ERN1: variants seen among roughly 807,000 people sequenced by gnomAD.
The protein encoded by ERN1 is serine/threonine-protein kinase/endoribonuclease IRE1.
Under a neutral mutation model 113.1 loss-of-function variants are expected in ERN1, and 39 were observed. The ratio of observed to expected loss-of-function variants is 0.34; its 90% CI spans 0.27 to 0.45. The LOEUF (loss-of-function observed/expected upper bound fraction) is 0.45. ERN1 is among the 20% of genes least tolerant of loss of function. The probability of loss-of-function intolerance (pLI) is 1.00; values close to 1 mark genes in which losing one functional copy is unlikely to be tolerated. For synonymous variants in ERN1, 507 were observed against 515.9 expected, an observed-to-expected ratio of 0.98 and a Z score of 0.23; for missense variants, 976 against 1,274.8, an observed-to-expected ratio of 0.77 and a Z score of 3.57.
intron 1 of ERN1, among the ~76,000 whole-genome samples, chr17:64,119,376 G>GTTTTTTTTTTTTTTTT (rs3044073): frequency 6.4e-5 from 5 of 77,910 alleles, no homozygotes; most frequent in Admixed American, 1.3e-4. Flanking sequence ...TTTTTTCTAG[G>GTTTTTTTTTTTTTTTT]TTTTTTTTTT....
At chr17:64,080,505 C>T (rs1488337442) in intron 3 of ERN1, 2 of 412,656 alleles carry the variant, frequency 4.8e-6, no homozygotes, top group Non-Finnish European at 8.9e-6. Context: ...GTCCAGTCCC[C>T]CTGAGGACTT....
At chr17:64,053,067 A>AAT in intron 16 of ERN1, 88 bp from the exon 17 acceptor site, 1 of 1,133,282 alleles carries the variant, frequency 8.8e-7, no homozygotes, top group East Asian at 2.6e-5. Context: ...TCAGACTCCC[A>AAT]ATATGCCTGC....
chr17:64,080,629 C>T, intron 3 of ERN1, 146 bp downstream of exon 3: 1 of 684,206 alleles, frequency 1.5e-6, no homozygotes, highest in South Asian at 2.0e-5. Flanking sequence ...AAGCTTTCAT[C>T]ATAGCACCTG....
intron 6 of ERN1, among the ~76,000 whole-genome samples, chr17:64,069,377 A>G (rs1053563725): frequency 6.6e-6 from 1 of 151,992 alleles, no homozygotes; most frequent in African/African-American, 2.4e-5. Context: ...AGTCAAATTG[A>G]AAAAAAAGGG....
At chr17:64,077,515 G>A (rs1913629742) in intron 4 of ERN1, among the ~76,000 whole-genome samples, 1 of 152,050 alleles carries the variant, frequency 6.6e-6, no homozygotes. Flanking sequence ...CTTTACATAA[G>A]TGAATGGCAG....
chr17:64,101,277 T>C (rs1914377768), intron 1 of ERN1, among the ~76,000 whole-genome samples: 1 of 151,882 alleles, frequency 6.6e-6, no homozygotes, highest in Non-Finnish European at 1.5e-5. Context: ...GGCGTGGTGG[T>C]GGGTGCCTGT....
chr17:64,065,274 C>A lies in ERN1; in HGVS notation c.856G>T (p.Val286Phe). 2 of 1,604,220 alleles carry A rather than the reference C, an allele frequency of 1.2e-6. No homozygotes were observed. The highest frequency in any genetic ancestry group is 1.7e-6 in the Non-Finnish European group (2 of 1,175,118). ...TAGAGGCTGGTAGAGTATTTCCCAA[C>A]ATACAGAGTGGGCCTAGGAGAAAAA... ...AKSKLTPTLY[V>F]GKYSTSLYAS... Residue 286 changes from valine to phenylalanine, a missense_variant, in exon 9 of 22, where the codon GTT (valine) becomes TTT (phenylalanine). Val to Phe is a conservative substitution (Grantham distance 50). Transcript: ENST00000433197.
chr17:64,109,347 C>G (rs184215845), intron 1 of ERN1, among the ~76,000 whole-genome samples: 1 of 152,162 alleles, frequency 6.6e-6, no homozygotes, highest in Non-Finnish European at 1.5e-5. Flanking sequence ...AAATTACCTA[C>G]AAACAACTGT....
At chr17:64,090,883 T>C (rs997568847) in intron 2 of ERN1, among the ~76,000 whole-genome samples, 1 of 152,190 alleles carries the variant, frequency 6.6e-6, no homozygotes, top group Non-Finnish European at 1.5e-5. Flanking sequence ...TTTGGATATG[T>C]TTTAAACCGT....
rs189327297 is a variant in ERN1 at position 64,078,833 on chromosome 17, C to G, written c.282+829G>C. 3.9e-5 allele frequency among the ~76,000 whole-genome samples: 6 copies of G among 152,212 alleles called. No homozygotes were observed. The East Asian group carries it at 1.2e-3, about 29-fold the overall frequency. ...CAGCCTAGGCAATATGATGAAACCC[C>G]ATTTCTACCAAAAATACAAAAAATT... On this transcript the variant is annotated intron_variant, in intron 4 of 21. Coordinates refer to ENST00000433197, the MANE Select transcript of ERN1 (RefSeq NM_001433.5).
intron 2 of ERN1, among the ~76,000 whole-genome samples, chr17:64,092,376 A>G (rs1280615059): frequency 6.6e-6 from 1 of 152,132 alleles, no homozygotes; most frequent in East Asian, 1.9e-4. Flanking sequence ...CTCACGTGAG[A>G]ATAAAATTGT....
In ERN1 at chr17:64,057,905, C is replaced by A; in HGVS notation, c.1295G>T (p.Arg432Leu). 1.2e-6 allele frequency: 2 copies of A among 1,612,916 alleles called. No individual in the cohort carries two copies. Among genetic ancestry groups the A allele is most frequent in the South Asian group, 1.1e-5 (1 of 90,836 alleles). Reference protein sequence around the residue: ...VEEKPAHAPARPEAPVDSMLK... With the variant: ...VEEKPAHAPALPEAPVDSMLK... Reference sequence around the variant, plus strand: ...CATGGAGTCCACGGGGGCCTCGGGCCGGGCAGGGGCATGGGCGGGCTTCTC... The same window carrying A: ...CATGGAGTCCACGGGGGCCTCGGGCAGGGCAGGGGCATGGGCGGGCTTCTC... Residue 432 changes from arginine (R) to leucine (L), a missense_variant, in exon 12 of 22, where the codon CGG becomes CTG. Coordinates refer to ENST00000433197, the MANE Select transcript of ERN1 (RefSeq NM_001433.5).
At position 64,049,548 on chromosome 17, in the gene ERN1, T is replaced by C. The variant is rs973079996; in HGVS notation, c.2254-346A>G. Among the ~76,000 whole-genome samples, 1 of 152,170 alleles carries C rather than the reference T, an allele frequency of 6.6e-6. No homozygotes were observed. The highest frequency in any genetic ancestry group is 2.4e-5 in the African/African-American group (1 of 41,432). On this transcript the variant is annotated intron_variant, in intron 17 of 21. Transcript: ENST00000433197. This position sits in a 1 kb window ranked among gnomAD's most constrained non-coding sequence, Gnocchi z 4.7. ...TTGGCCCATCAAAAGCCCTCCTGGC[T>C]GTTATATATTCCTTACCCCCAACAC...
intron 2 of ERN1, among the ~76,000 whole-genome samples, chr17:64,094,370 T>TA (rs1914170392): frequency 6.6e-6 from 1 of 152,176 alleles, no homozygotes; most frequent in South Asian, 2.1e-4. Flanking sequence ...TCTATGTGAT[T>TA]AAAAAAATAC....
chr17:64,098,745 T>C lies in ERN1; in HGVS notation c.55-504A>G, dbSNP rs143654087. On this transcript the variant is annotated intron_variant, in intron 1 of 21. Coordinates refer to ENST00000433197, the MANE Select transcript of ERN1 (RefSeq NM_001433.5). ...GAATTTATAAAATAAAACACTAAGA[T>C]TCCAGTAAAGATATGTTATAAAAGT... Among the ~76,000 whole-genome samples, 708 of 152,070 alleles carry C rather than the reference T, an allele frequency of 4.7e-3. 4 individuals carry two copies. The highest frequency in any genetic ancestry group is 0.016 in the African/African-American group (670 of 41,498).
intron 17 of ERN1, among the ~76,000 whole-genome samples, chr17:64,051,514 T>C (rs1912683795): frequency 1.3e-5 from 2 of 152,180 alleles, no homozygotes; most frequent in Admixed American, 1.3e-4. Flanking sequence ...TTGAACCTAA[T>C]CAAGCCTCTC....
At chr17:64,092,191 G>A (rs1443325207) in intron 2 of ERN1, among the ~76,000 whole-genome samples, 1 of 152,136 alleles carries the variant, frequency 6.6e-6, no homozygotes, top group African/African-American at 2.4e-5. Context: ...GGCCAGAGAG[G>A]AGTCAGGTTT....
Position 64,074,212 on chromosome 17 carries a change from A to C in ERN1, c.355+963T>G, listed in dbSNP as rs541625715. 7.9e-5 allele frequency among the ~76,000 whole-genome samples: 12 copies of C among 152,290 alleles called. No individual in the cohort carries two copies. The South Asian group carries it at 2.5e-3, about 32-fold the overall frequency. On this transcript the variant is annotated intron_variant, in intron 5 of 21. Coordinates refer to ENST00000433197, the MANE Select transcript of ERN1 (RefSeq NM_001433.5). ...AGATTGGGCAACTACCATGCTCTTA[A>C]ATATGTTTAATGAACTCGCCTAAGA...
intron 1 of ERN1, among the ~76,000 whole-genome samples, chr17:64,125,447 GT>G (rs2143513135): frequency 6.6e-6 from 1 of 152,250 alleles, no homozygotes; most frequent in East Asian, 1.9e-4. Flanking sequence ...TATAACCCCA[GT>G]CCCCAACCCA....
Sources: gnomAD v4.1 joint callset for allele counts (sites outside exome capture counted in the v4.1 genomes callset) on GRCh38, gnomAD v4.1.1 for gene constraint, Gnocchi (gnomAD v3.1) non-coding constraint, MANE v1.5 for transcripts, NCBI Gene and HGNC (gene_info 2026-07-23, HGNC 2026-07-21) for gene names.